ALDH1L2: variants seen among roughly 807,000 people sequenced by gnomAD.
ALDH1L2 encodes the protein mitochondrial 10-formyltetrahydrofolate dehydrogenase.
A neutral mutation model predicts 111.0 loss-of-function variants in ALDH1L2; 91 were observed. The ratio of observed to expected loss-of-function variants is 0.82; its 90% CI spans 0.69 to 0.98. ALDH1L2 has a LOEUF of 0.98. Ranked by LOEUF, ALDH1L2 falls within the 50% of genes least tolerant of loss-of-function variation. The pLI is 0.00. For synonymous variants in ALDH1L2, 374 were observed against 392.6 expected (o/e 0.95, Z 0.56); for missense variants, 995 against 1,126.8 (o/e 0.88, Z 1.67).
intron 21 of ALDH1L2, 90 bp downstream of exon 21, chr12:105,030,234 A>T: frequency 2.7e-6 from 2 of 743,416 alleles, no homozygotes; most frequent in Non-Finnish European, 4.0e-6. Context: ...CATGTTCATT[A>T]ATCTTATGCT....
At chr12:105,061,344 C>G (rs1486031010) in intron 8 of ALDH1L2, among the ~76,000 whole-genome samples, 2 of 152,082 alleles carry the variant, frequency 1.3e-5, no homozygotes, top group Non-Finnish European at 2.9e-5. Context: ...AATAGAGACG[C>G]CCCCCAGGGA....
chr12:105,053,080 T>C, intron 10 of ALDH1L2, 149 bp from the exon 11 acceptor site: 1 of 1,018,714 alleles, frequency 9.8e-7, no homozygotes, highest in Non-Finnish European at 1.4e-6. Context: ...TATGTGAGAT[T>C]TGGGCCTCAA....
chr12:105,028,982 G>A (rs6539178), intron 21 of ALDH1L2, among the ~76,000 whole-genome samples: 84,788 of 151,034 alleles, frequency 0.56, 24,413 homozygotes, highest in East Asian at 0.81. Context: ...AAATTTTCCC[G>A]TCTATGCTAG....
At chr12:105,031,510 T>G in intron 20 of ALDH1L2, among the ~76,000 whole-genome samples, 1 of 152,206 alleles carries the variant, frequency 6.6e-6, no homozygotes. Flanking sequence ...AGACAGAGTC[T>G]CAGTCTGTTG....
intron 20 of ALDH1L2, 52 bp downstream of exon 20, chr12:105,031,717 T>C (rs1288490939): frequency 1.9e-6 from 3 of 1,586,380 alleles, no homozygotes; most frequent in African/African-American, 1.4e-5. Context: ...TCGCTGTCCA[T>C]TCCAACTGAA....
Position 105,038,315 on chromosome 12 carries a change from CACACA to C in ALDH1L2, c.2046-118_2046-114del. 3 of 615,622 alleles carry C rather than the reference CACACA, an allele frequency of 4.9e-6. 1 individual carries two copies. Among genetic ancestry groups the C allele is most frequent in the Non-Finnish European group, 8.2e-6 (3 of 367,292 alleles). 38.1% of individuals were successfully genotyped at this position (615,622 alleles called of 1,614,324 possible). ...ACACACACACACACACACACACACA[CACACA>C]CACTTTTTAAGCTATAAGTTACCAC... is the stretch of plus-strand genomic sequence containing the variant. On this transcript the variant is annotated intron_variant, in intron 17 of 22. Transcript: ENST00000258494.
At chr12:105,076,659 A>G (rs951593902) in intron 1 of ALDH1L2, among the ~76,000 whole-genome samples, 1 of 152,248 alleles carries the variant, frequency 6.6e-6, no homozygotes, top group Non-Finnish European at 1.5e-5. Context: ...TAAGGATTCA[A>G]TGGGATAAAG....
At chr12:105,050,136 C>T (rs11112344) in intron 12 of ALDH1L2, 78 bp from the exon 13 acceptor site, 155,971 of 1,363,230 alleles carry the variant, frequency 0.11, 9,411 homozygotes, top group Middle Eastern at 0.15. Flanking sequence ...ATCCTAAGGA[C>T]GGAGAATTCA....
At chr12:105,066,104 G>C (rs2136098630) in intron 5 of ALDH1L2, among the ~76,000 whole-genome samples, 1 of 152,254 alleles carries the variant, frequency 6.6e-6, no homozygotes, top group East Asian at 1.9e-4. Flanking sequence ...ATGAGCCACT[G>C]TGCCCAGCGC....
At chr12:105,059,514 T>C (rs1876857125) in intron 9 of ALDH1L2, among the ~76,000 whole-genome samples, 1 of 152,100 alleles carries the variant, frequency 6.6e-6, no homozygotes, top group Non-Finnish European at 1.5e-5. Context: ...TAATGTAGTA[T>C]TGAAATATTT....
intron 3 of ALDH1L2, 79 bp downstream of exon 3, chr12:105,070,491 G>A: frequency 4.2e-6 from 5 of 1,183,592 alleles, no homozygotes; most frequent in Non-Finnish European, 5.9e-6. Flanking sequence ...GATCATTTGA[G>A]CCCAGGAGTT....
chr12:105,039,770 T>C lies in ALDH1L2; in HGVS notation c.1988A>G (p.Asp663Gly). The C allele has an allele frequency of 6.2e-7, 1 of 1,614,078 alleles. No homozygotes were observed. Among genetic ancestry groups the C allele is most frequent in the East Asian group, 2.2e-5 (1 of 44,878 alleles). ...TCCAGTGAAACCAAGTTTGCGGATG[T>C]CAGGATGTTCAGACAGACGTTGTCC... is the stretch of plus-strand genomic sequence containing the variant. ...IAGQRLSEHP[D>G]IRKLGFTGST... Residue 663 changes from aspartate (D) to glycine (G), a missense_variant, in exon 17 of 23, where the codon GAC becomes GGC. Physicochemically the swap from Asp to Gly is moderately conservative, Grantham distance 94. Coordinates refer to ENST00000258494, the MANE Select transcript of ALDH1L2 (RefSeq NM_001034173.4).
At chr12:105,063,225 C>T (rs1464957255) in intron 6 of ALDH1L2, among the ~76,000 whole-genome samples, 5 of 152,112 alleles carry the variant, frequency 3.3e-5, no homozygotes, top group Non-Finnish European at 7.4e-5. Flanking sequence ...GCCTGTAATC[C>T]CAGCACTTTG....
intron 22 of ALDH1L2, among the ~76,000 whole-genome samples, chr12:105,025,311 C>T (rs547518711): frequency 6.6e-6 from 1 of 152,284 alleles, no homozygotes; most frequent in South Asian, 2.1e-4. Flanking sequence ...GATTTGAATC[C>T]ACTGTGCAGC....
intron 1 of ALDH1L2, among the ~76,000 whole-genome samples, chr12:105,075,226 G>T (rs1877979949): frequency 6.6e-6 from 1 of 152,230 alleles, no homozygotes; most frequent in Non-Finnish European, 1.5e-5. Context: ...GTGCCGCTCG[G>T]CTGTCGTCTG....
chr12:105,043,137 A>G (rs7301544), intron 15 of ALDH1L2, among the ~76,000 whole-genome samples: 56,115 of 152,094 alleles, frequency 0.37, 10,612 homozygotes, highest in South Asian at 0.53. Flanking sequence ...ACAAAGGTAC[A>G]GGCAGTGTCC....
chr12:105,034,449 T>G (rs1469869965), intron 18 of ALDH1L2, 51 bp from the exon 19 acceptor site: 1 of 1,536,040 alleles, frequency 6.5e-7, no homozygotes, highest in Non-Finnish European at 8.9e-7. Context: ...GAAGTCAAGA[T>G]TCTCATAAAG....
rs867631434 is a variant in ALDH1L2, at chr12:105,036,520, A to T, written c.2145+1583T>A. Among the ~76,000 whole-genome samples, 46 of 11,720 alleles carry T rather than the reference A, an allele frequency of 3.9e-3. 5 individuals are homozygous for T. In the African/African-American group the frequency reaches 0.049, roughly 12 times the overall value. 7.7% of individuals were successfully genotyped at this position (11,720 alleles called of 152,430 possible). A position where few individuals can be genotyped will look rare whatever the true frequency, so the allele number is the denominator to read the frequency against. ...ATATATGTATATATATATTTTATATATATATATATATATATATATATATAT... is the reference window on the plus strand; with the variant it reads ...ATATATGTATATATATATTTTATATTTATATATATATATATATATATATAT... On this transcript the variant is annotated intron_variant, in intron 18 of 22. Transcript: ENST00000258494.
At chr12:105,064,784 C>G (rs1311137021) in intron 6 of ALDH1L2, among the ~76,000 whole-genome samples, 1 of 152,158 alleles carries the variant, frequency 6.6e-6, no homozygotes, top group Admixed American at 6.5e-5. Context: ...CCCTTCAGGC[C>G]CTGCCCGCCT....
Sources: allele counts gnomAD v4.1 joint callset (sites outside exome capture counted in the v4.1 genomes callset), GRCh38; gene constraint gnomAD v4.1.1; transcripts MANE v1.5; gene names NCBI Gene and HGNC (gene_info 2026-07-23, HGNC 2026-07-21).